Variants in ERI2 observed in about 807,000 individuals in gnomAD.
ERI2 encodes ERI1 exoribonuclease 2.
In ERI2, 35 loss-of-function variants were observed where a neutral mutation model predicts 46.8. That is an observed-to-expected ratio of 0.75 (90% CI 0.57 to 0.99). The LOEUF (loss-of-function observed/expected upper bound fraction) is 0.99. Ranked by LOEUF, ERI2 falls within the 50% of genes least tolerant of loss-of-function variation. ERI2 has a pLI of 0.00. For synonymous variants in ERI2, 224 were observed against 271.0 expected, an observed-to-expected ratio of 0.83 and a Z score of 1.70; for missense variants, 695 against 796.2, an observed-to-expected ratio of 0.87 and a Z score of 1.53.
intron 10 of ERI2, chr16:20,786,082 T>C (rs774073648): frequency 6.3e-7 from 1 of 1,589,050 alleles, no homozygotes; most frequent in South Asian, 1.1e-5. Context: ...AACTAGGTGC[T>C]AATCTGTGGA....
downstream of ERI2, chr16:20,795,955 T>C (rs1209110990): frequency 6.4e-6 from 1 of 155,394 alleles, no homozygotes; most frequent in Admixed American, 6.5e-5. Flanking sequence ...TTCTGCCAGT[T>C]AAAGGCCACC....
Position 20,790,105 on chromosome 16 carries a change from A to G in ERI2, c.816-548T>C, listed in dbSNP as rs1292040901. Among the ~76,000 whole-genome samples, 2 of 152,168 alleles carry G rather than the reference A, an allele frequency of 1.3e-5. No homozygotes were observed. Among genetic ancestry groups the G allele is most frequent in the East Asian group, 3.8e-4 (2 of 5,198 alleles). On this transcript the variant is annotated intron_variant, in intron 9 of 10. Coordinates refer to the ERI2 transcript ENST00000300005. This position sits in a 1 kb window ranked among gnomAD's most constrained non-coding sequence, Gnocchi z 4.0. ...GTTGGTAACCTGTATTTAATATTTT[A>G]TGCAATAAGAATTTAAGTAAATATA...
chr16:20,800,113 T>G, intron 6 of ERI2, 75 bp from the exon 7 acceptor site: 4 of 1,029,302 alleles, frequency 3.9e-6, no homozygotes, highest in Non-Finnish European at 5.8e-6. Flanking sequence ...TTTTCATAAT[T>G]TTTAGTTCTA....
rs746042183 is a variant in ERI2, at chr16:20,803,471, C to T, written c.137G>A (p.Cys46Tyr). ...YLIVIDFEST[C>Y]WNDGKHHHSQ... The stretch of plus-strand genomic sequence containing the variant: ...ATGGTGGTGCTTCCCATCATTCCAG[C>T]ATGTCGATTCAAAATCAATGACAAT... Residue 46 changes from cysteine (C) to tyrosine (Y), a missense_variant, in exon 3 of 9, where the codon TGC becomes TAC. Physicochemically the swap from Cys to Tyr is radical, Grantham distance 194. Coordinates refer to ENST00000357967, the MANE Select transcript of ERI2 (RefSeq NM_001142725.2). 6.8e-6 allele frequency: 11 copies of T among 1,613,880 alleles called. No individual in the cohort carries two copies. The highest frequency in any genetic ancestry group is 9.3e-6 in the Non-Finnish European group (11 of 1,179,920).
intron 1 of ERI2, chr16:20,805,605 T>A (rs2080855818): frequency 6.5e-6 from 1 of 152,894 alleles, no homozygotes; most frequent in Admixed American, 6.5e-5. Context: ...GTACTTTATG[T>A]TCTTAGCTCC....
rs762623324 is a variant in ERI2 at position 20,803,509 on chromosome 16, C to A, written c.99G>T (p.Leu33Phe). 117 of 1,613,784 alleles carry A rather than the reference C, an allele frequency of 7.3e-5. No homozygotes were observed. The highest frequency in any genetic ancestry group is 9.7e-5 in the Non-Finnish European group (114 of 1,179,802). ...GNLGRSKSKQ[L>F]FDYLIVIDFE... ...AATCAATGACAATTAAGTAGTCAAA[C>A]AACTGCTCTGCAAAAGATCAAGTTG... Residue 33 changes from leucine (L) to phenylalanine (F), a missense_variant, in exon 3 of 9, where the codon TTG becomes TTT. Leu to Phe is a conservative substitution (Grantham distance 22). Coordinates refer to ENST00000357967, the MANE Select transcript of ERI2 (RefSeq NM_001142725.2).
chr16:20,793,183 G>C (rs1374767069), downstream of ERI2, among the ~76,000 whole-genome samples: 1 of 152,080 alleles, frequency 6.6e-6, no homozygotes, highest in Non-Finnish European at 1.5e-5. Context: ...TGAAGTTTAA[G>C]GCAGGCCAGG....
Position 20,799,939 on chromosome 16 carries a change from T to G in ERI2, c.643+18A>C. ...TTTAAAAGTCAAATGGCTTACATAATTTTTAATGTATACTAACCAGAATGT... is the reference window on the plus strand; with the variant it reads ...TTTAAAAGTCAAATGGCTTACATAAGTTTTAATGTATACTAACCAGAATGT... On this transcript the variant is annotated intron_variant, in intron 7 of 8. Transcript: ENST00000357967. 6.7e-7 allele frequency: 1 copy of G among 1,482,826 alleles called. No homozygotes were observed. The highest frequency in any genetic ancestry group is 9.3e-7 in the Non-Finnish European group (1 of 1,075,324). 91.9% of individuals were successfully genotyped at this position (1,482,826 alleles called of 1,614,324 possible). A position where few individuals can be genotyped will look rare whatever the true frequency, so the allele number is the denominator to read the frequency against.
In ERI2 at chr16:20,806,426, G is replaced by C; in HGVS notation, c.5C>G (p.Ala2Gly). 1 of 1,552,948 alleles carries C rather than the reference G, an allele frequency of 6.4e-7. No individual in the cohort carries two copies. ...CGAGTACCGCGCGAGCCGCTTGGTCGCCATTCCCGACACTCCTTGCTTTTC... is the reference window on the plus strand; with the variant it reads ...CGAGTACCGCGCGAGCCGCTTGGTCCCCATTCCCGACACTCCTTGCTTTTC... MATKRLARQLGL... is the reference protein window; with the variant it reads MGTKRLARQLGL... The change falls in exon 1 of 9, where the codon GCG becomes GGG. Residue 2 changes from alanine (A) to glycine (G), a missense_variant. By Grantham distance (60) the Ala-to-Gly change is moderately conservative. Coordinates refer to ENST00000357967, the MANE Select transcript of ERI2 (RefSeq NM_001142725.2).
chr16:20,805,153 C>G (rs2080844117), intron 1 of ERI2, among the ~76,000 whole-genome samples: 1 of 152,036 alleles, frequency 6.6e-6, no homozygotes, highest in Non-Finnish European at 1.5e-5. Flanking sequence ...AGGCCAGGCA[C>G]CGTGGCTCAC....
rs1162939147 is a variant in ERI2 at position 20,800,288 on chromosome 16, T to G, written c.561+14A>C. 6.4e-7 allele frequency: 1 copy of G among 1,562,528 alleles called. No homozygotes were observed. Among genetic ancestry groups the G allele is most frequent in the Non-Finnish European group, 8.8e-7 (1 of 1,139,698 alleles). On this transcript the variant is annotated intron_variant, in intron 6 of 8. Transcript: ENST00000357967. The stretch of plus-strand genomic sequence containing the variant: ...ATAGAAAAAAGTAAACATGCCCCCA[T>G]TTTTTACCATTACCTTGTAAGTTGC...
At chr16:20,782,967 T>C (rs796731962) in intron 10 of ERI2, among the ~76,000 whole-genome samples, 3 of 152,284 alleles carry the variant, frequency 2.0e-5, no homozygotes, top group African/African-American at 7.2e-5. Flanking sequence ...TCTCCAAACC[T>C]CATACTTCAG....
intron 10 of ERI2, chr16:20,780,970 C>T (rs762144103): frequency 6.8e-6 from 11 of 1,613,902 alleles, no homozygotes; most frequent in South Asian, 1.1e-5. Flanking sequence ...CTTTGTTTTC[C>T]CAGGTTCTGG....
chr16:20,797,555 A>G lies in ERI2; in HGVS notation c.*169T>C. ...TATACTATTGTTGCTTATTATATGT[A>G]ATCTAATAAATACTGTTTACAAAAG... On this transcript the variant is annotated 3_prime_UTR_variant, in exon 9 of 9. Transcript: ENST00000357967. 8.1e-7 allele frequency: 1 copy of G among 1,239,798 alleles called. No individual in the cohort carries two copies. Among genetic ancestry groups the G allele is most frequent in the Non-Finnish European group, 1.0e-6 (1 of 989,272 alleles). 76.8% of individuals were successfully genotyped at this position (1,239,798 alleles called of 1,614,324 possible).
chr16:20,805,872 G>T, intron 1 of ERI2: 1 of 737,508 alleles, frequency 1.4e-6, no homozygotes, highest in South Asian at 5.9e-5. Flanking sequence ...GGGTGGACGC[G>T]CCACGTTATA....
At chr16:20,782,321 C>A (rs1012383054) in intron 10 of ERI2, among the ~76,000 whole-genome samples, 4 of 152,058 alleles carry the variant, frequency 2.6e-5, no homozygotes, top group African/African-American at 9.7e-5. Flanking sequence ...GTGGTGACTT[C>A]TGAGATTTTG....
chr16:20,795,020 T>G (rs576357238), downstream of ERI2, among the ~76,000 whole-genome samples: 1 of 152,244 alleles, frequency 6.6e-6, no homozygotes, highest in African/African-American at 2.4e-5. Flanking sequence ...ACAAGCATAA[T>G]TTTTTAATTT....
Position 20,786,363 on chromosome 16 carries a change from T to C in ERI2, c.894+3116A>G, listed in dbSNP as rs187074721. ...TTTTGCAAATACCCATATTGTACCA[T>C]ACAGTTCTAAGCATTTAATAAACGT... On this transcript the variant is annotated intron_variant, in intron 10 of 10. Transcript: ENST00000300005. 211 of 1,067,832 alleles carry C rather than the reference T, an allele frequency of 2.0e-4. No homozygotes were observed. In the African/African-American group the frequency reaches 3.2e-3, roughly 16 times the overall value. 66.1% of individuals were successfully genotyped at this position (1,067,832 alleles called of 1,614,324 possible). A position where few individuals can be genotyped will look rare whatever the true frequency, so the allele number is the denominator to read the frequency against.
At position 20,797,178 on chromosome 16, in the gene ERI2, T is replaced by C; in HGVS notation, c.*546A>G. On this transcript the variant is annotated 3_prime_UTR_variant, in exon 9 of 9. Transcript: ENST00000357967. Reference sequence around the variant, plus strand: ...CTCCACATTAGTGTCAATGTTCCTATCATTTCTTAATATAAAAATAATACC... The same window carrying C: ...CTCCACATTAGTGTCAATGTTCCTACCATTTCTTAATATAAAAATAATACC... 7.7e-7 allele frequency: 1 copy of C among 1,293,126 alleles called. No homozygotes were observed. Among genetic ancestry groups the C allele is most frequent in the Non-Finnish European group, 9.8e-7 (1 of 1,021,428 alleles). The allele number at this position is 1,293,126 out of a possible 1,614,324, so 80.1% of individuals were successfully genotyped here. A position where few individuals can be genotyped will look rare whatever the true frequency, so the allele number is the denominator to read the frequency against.
Sources: allele counts gnomAD v4.1 joint callset (sites outside exome capture counted in the v4.1 genomes callset), GRCh38; gene constraint gnomAD v4.1.1; non-coding constraint Gnocchi (gnomAD v3.1); transcripts MANE v1.5; gene names NCBI Gene and HGNC (gene_info 2026-07-23, HGNC 2026-07-21).